Variants in TCF4 observed in about 807,000 individuals in gnomAD.
TCF4 encodes SL3-3 enhancer factor 2.
Under a neutral mutation model 82.1 loss-of-function variants are expected in TCF4, and 3 were observed. The ratio of observed to expected loss-of-function variants is 0.04; its 90% CI spans 0.02 to 0.09. The LOEUF is 0.09. Among genes scored for constraint, TCF4 ranks in the 10% least tolerant of loss-of-function variants. The pLI is 1.00. For missense variants in TCF4, 518 were observed against 852.7 expected, an observed-to-expected ratio of 0.61 and a Z score of 4.89; for synonymous variants, 276 against 309.6, an observed-to-expected ratio of 0.89 and a Z score of 1.14.
chr18:55,543,069 T>C (rs1463196326), intron 3 of TCF4, among the ~76,000 whole-genome samples: 2 of 152,178 alleles, frequency 1.3e-5, no homozygotes, highest in East Asian at 3.9e-4. Context: ...GAAGTTAAAA[T>C]TGTTTGGACA....
At chr18:55,617,701 ATTG>A (rs2097713486) in intron 2 of TCF4, among the ~76,000 whole-genome samples, 1 of 151,532 alleles carries the variant, frequency 6.6e-6, no homozygotes, top group African/African-American at 2.4e-5. Context: ...TATAAATTGG[ATTG>A]TTTTCTTAGT....
intron 3 of TCF4, among the ~76,000 whole-genome samples, chr18:55,537,134 GGAAA>G (rs2097124127): frequency 8.8e-6 from 1 of 113,200 alleles, no homozygotes. Context: ...ACTCCGTCTC[GGAAA>G]AAAAAAAAAA....
intron 3 of TCF4, among the ~76,000 whole-genome samples, chr18:55,483,771 G>A (rs1408754605): frequency 3.3e-5 from 5 of 152,208 alleles, no homozygotes; most frequent in Non-Finnish European, 7.3e-5. Context: ...TAGGCATTCT[G>A]CGTCACTTAC....
chr18:55,382,822 T>C (rs1409778724), intron 6 of TCF4, among the ~76,000 whole-genome samples: 1 of 152,270 alleles, frequency 6.6e-6, no homozygotes, highest in Admixed American at 6.5e-5. Flanking sequence ...ATGTTAAATA[T>C]TTGTGATATG....
intron 6 of TCF4, among the ~76,000 whole-genome samples, chr18:55,370,219 A>G (rs1172460062): frequency 6.6e-6 from 1 of 152,188 alleles, no homozygotes; most frequent in Non-Finnish European, 1.5e-5. Context: ...GCAGCACAGC[A>G]AGACTCAGTC....
chr18:55,487,892 TAA>T (rs879529817), intron 3 of TCF4, among the ~76,000 whole-genome samples: 2 of 145,752 alleles, frequency 1.4e-5, no homozygotes, highest in Admixed American at 6.9e-5. Context: ...TCCATTTTCT[TAA>T]AAAAAAAAAA....
chr18:55,470,993 A>C (rs1480882327), intron 3 of TCF4, among the ~76,000 whole-genome samples: 1 of 152,264 alleles, frequency 6.6e-6, no homozygotes, highest in Non-Finnish European at 1.5e-5. Context: ...TGTGGCTCCT[A>C]CTAATTTCCT....
chr18:55,521,966 C>T (rs2096936889), intron 3 of TCF4, among the ~76,000 whole-genome samples: 1 of 152,306 alleles, frequency 6.6e-6, no homozygotes, highest in South Asian at 2.1e-4. Context: ...GAAACAGCTA[C>T]CATCCCCACG....
At chr18:55,236,225 G>A (rs1238010738) in intron 15 of TCF4, among the ~76,000 whole-genome samples, 4 of 152,116 alleles carry the variant, frequency 2.6e-5, no homozygotes, top group African/African-American at 7.2e-5. Context: ...ATAAATGAAT[G>A]TTTCAGCAGA....
intron 8 of TCF4, among the ~76,000 whole-genome samples, chr18:55,347,769 C>T (rs751344391): frequency 7.2e-5 from 11 of 152,052 alleles, no homozygotes; most frequent in Non-Finnish European, 1.3e-4. Context: ...AAAGAGAGGG[C>T]CCACTTCAAA....
intron 16 of TCF4, 92 bp downstream of exon 16, chr18:55,234,456 G>A: frequency 1.9e-6 from 3 of 1,563,914 alleles, no homozygotes; most frequent in African/African-American, 1.4e-5. Flanking sequence ...TTCTGCCAGT[G>A]CTTCTTGAGG....
intron 5 of TCF4, among the ~76,000 whole-genome samples, chr18:55,430,618 A>G (rs1024040810): frequency 7.1e-6 from 1 of 140,402 alleles, no homozygotes; most frequent in East Asian, 2.1e-4. Flanking sequence ...GCCTGCACTT[A>G]TGAAGACAGA....
At chr18:55,330,274 G>A (rs1216979476) in intron 8 of TCF4, among the ~76,000 whole-genome samples, 8 of 146,668 alleles carry the variant, frequency 5.5e-5, no homozygotes, top group Admixed American at 2.8e-4. Context: ...TCTACCTCCC[G>A]GGTTCAAGCA....
At chr18:55,471,424 G>C (rs1190701478) in intron 3 of TCF4, among the ~76,000 whole-genome samples, 1 of 152,180 alleles carries the variant, frequency 6.6e-6, no homozygotes, top group Non-Finnish European at 1.5e-5. Flanking sequence ...TGTCAGGCCA[G>C]GTGCGATGGC....
chr18:55,611,805 G>GT (rs1169344756), intron 2 of TCF4, among the ~76,000 whole-genome samples: 1 of 152,058 alleles, frequency 6.6e-6, no homozygotes. Flanking sequence ...GTGTTGCTCT[G>GT]TTACCCAGGC....
rs149854827 is a variant in TCF4, at chr18:55,508,688, C to G, written c.146-44551G>C. ...GCCAGAATCCATGCTTTCCAGCCCA[C>G]CCTTCCCAGCTCACACTTGCTCTTT... On this transcript the variant is annotated intron_variant, in intron 3 of 19. Coordinates refer to ENST00000354452, the MANE Select transcript of TCF4 (RefSeq NM_001083962.2). Among the ~76,000 whole-genome samples, 1,189 of 152,242 alleles carry G rather than the reference C, an allele frequency of 7.8e-3. 23 individuals carry two copies. The highest frequency in any genetic ancestry group is 0.027 in the African/African-American group (1,129 of 41,558).
chr18:55,574,219 T>C (rs935875059), intron 3 of TCF4, among the ~76,000 whole-genome samples: 1 of 152,248 alleles, frequency 6.6e-6, no homozygotes, highest in Non-Finnish European at 1.5e-5. Flanking sequence ...TGTACACATA[T>C]ACAGAGATTT....
chr18:55,493,100 T>C (rs1349269360), intron 3 of TCF4, among the ~76,000 whole-genome samples: 2 of 152,182 alleles, frequency 1.3e-5, no homozygotes, highest in Non-Finnish European at 1.5e-5. Flanking sequence ...TCCATATCTG[T>C]TCACATGTTA....
At chr18:55,367,672 C>A (rs1255814786) in intron 6 of TCF4, among the ~76,000 whole-genome samples, 4 of 152,134 alleles carry the variant, frequency 2.6e-5, no homozygotes, top group Non-Finnish European at 5.9e-5. Flanking sequence ...AAAACATGAA[C>A]CAGGAAATAT....
Sources: gnomAD v4.1 joint callset for allele counts (sites outside exome capture counted in the v4.1 genomes callset) on GRCh38, gnomAD v4.1.1 for gene constraint, MANE v1.5 for transcripts, NCBI Gene and HGNC (gene_info 2026-07-23, HGNC 2026-07-21) for gene names.